NKAIN3: variants seen among roughly 807,000 people sequenced by gnomAD.
NKAIN3 encodes sodium/potassium transporting ATPase interacting 3.
In NKAIN3, 25 loss-of-function variants were observed where a neutral mutation model predicts 30.2. That is an observed-to-expected ratio of 0.83 (90% CI 0.60 to 1.16). NKAIN3 has a LOEUF of 1.16. Ranked by LOEUF, NKAIN3 falls within the 50% of genes most tolerant of loss-of-function variation. The pLI is 0.00. For missense variants in NKAIN3, 225 were observed against 254.1 expected, an observed-to-expected ratio of 0.89 and a Z score of 0.78; for synonymous variants, 91 against 89.6, an observed-to-expected ratio of 1.02 and a Z score of -0.09.
At chr8:62,275,325 T>A (rs957573210) in intron 1 of NKAIN3, among the ~76,000 whole-genome samples, 3 of 152,248 alleles carry the variant, frequency 2.0e-5, no homozygotes, top group Non-Finnish European at 4.4e-5. Flanking sequence ...TGGTTTTGAT[T>A]TGCATTTCTC....
At chr8:62,729,051 A>AAAAAAAAAAAAAAAAAAAAAAAAAAAAAC in intron 3 of NKAIN3, among the ~76,000 whole-genome samples, 1 of 143,858 alleles carries the variant, frequency 7.0e-6, no homozygotes, top group Admixed American at 7.1e-5. Context: ...AAAAAAAAAA[A>AAAAAAAAAAAAAAAAAAAAAAAAAAAAAC]ACCTCCTGCT....
At chr8:62,888,378 T>C (rs191961301) in intron 4 of NKAIN3, among the ~76,000 whole-genome samples, 2 of 152,330 alleles carry the variant, frequency 1.3e-5, no homozygotes, top group Non-Finnish European at 2.9e-5. Flanking sequence ...CTCCTGTAAA[T>C]AAAACTTACA....
At chr8:62,788,755 C>T (rs955596419) in intron 4 of NKAIN3, among the ~76,000 whole-genome samples, 5 of 151,568 alleles carry the variant, frequency 3.3e-5, no homozygotes, top group African/African-American at 1.2e-4. Flanking sequence ...CTACATATGG[C>T]TAGCCAGTTT....
intron 1 of NKAIN3, among the ~76,000 whole-genome samples, chr8:62,275,972 A>T (rs1332770077): frequency 6.6e-6 from 1 of 152,322 alleles, no homozygotes; most frequent in East Asian, 1.9e-4. Flanking sequence ...AATAATACCC[A>T]AAAGGTTGGA....
At chr8:62,459,074 G>A (rs115043166) in intron 1 of NKAIN3, among the ~76,000 whole-genome samples, 1 of 116,098 alleles carries the variant, frequency 8.6e-6, no homozygotes. Flanking sequence ...AAAAAAAAAA[G>A]CCTAGCAAGT....
At chr8:62,703,693 C>T (rs1470722661) in intron 3 of NKAIN3, among the ~76,000 whole-genome samples, 2 of 152,132 alleles carry the variant, frequency 1.3e-5, no homozygotes, top group African/African-American at 2.4e-5. Flanking sequence ...CATTTAGTGG[C>T]GCACATCTTG....
At chr8:62,730,340 GC>G (rs1815427332) in intron 3 of NKAIN3, among the ~76,000 whole-genome samples, 1 of 151,912 alleles carries the variant, frequency 6.6e-6, no homozygotes, top group Admixed American at 6.6e-5. Flanking sequence ...AACAGTGTAG[GC>G]ACAAATATTT....
At chr8:62,934,883 A>C (rs1822734255) in intron 5 of NKAIN3, among the ~76,000 whole-genome samples, 1 of 152,064 alleles carries the variant, frequency 6.6e-6, no homozygotes, top group Non-Finnish European at 1.5e-5. Flanking sequence ...AAGCTAAAGG[A>C]AAGGTGAGCA....
chr8:62,294,042 C>T (rs780866073), intron 1 of NKAIN3, among the ~76,000 whole-genome samples: 60 of 152,292 alleles, frequency 3.9e-4, no homozygotes, highest in Admixed American at 7.2e-4. Flanking sequence ...GAGTCAGGCA[C>T]GGGATGCAAT....
At chr8:62,541,522 G>A (rs571155032) in intron 1 of NKAIN3, among the ~76,000 whole-genome samples, 3 of 152,166 alleles carry the variant, frequency 2.0e-5, no homozygotes, top group East Asian at 1.9e-4. Context: ...TTGTTTGTGA[G>A]GAGAAGGGTC....
Position 62,904,974 on chromosome 8 carries a change from C to T in NKAIN3, c.472-13479C>T, listed in dbSNP as rs1821734379. ...CTCTCAGAGGACACGATCTTTGCAT[C>T]AGGTCTCTCGGAGGGTAGTTCCTGC... On this transcript the variant is annotated intron_variant, in intron 4 of 6. Transcript: ENST00000623646. Among the ~76,000 whole-genome samples, 3 of 152,216 alleles carry T rather than the reference C, an allele frequency of 2.0e-5. No individual in the cohort carries two copies. In the South Asian group the frequency reaches 6.2e-4, roughly 32 times the overall value.
intron 1 of NKAIN3, among the ~76,000 whole-genome samples, chr8:62,561,123 G>A (rs1198111139): frequency 6.6e-6 from 1 of 152,094 alleles, no homozygotes; most frequent in African/African-American, 2.4e-5. Context: ...TGGAGGTGAG[G>A]GGCTTTTTTG....
chr8:62,943,928 A>G (rs1183589829), intron 5 of NKAIN3, among the ~76,000 whole-genome samples: 1 of 151,924 alleles, frequency 6.6e-6, no homozygotes, highest in East Asian at 1.9e-4. Context: ...CAAACATTGT[A>G]TGTTTTCACT....
intron 1 of NKAIN3, among the ~76,000 whole-genome samples, chr8:62,395,329 C>A (rs943817123): frequency 1.2e-4 from 18 of 151,630 alleles, no homozygotes; most frequent in African/African-American, 4.4e-4. Context: ...GGCGGCCGGG[C>A]AGAGGCGACC....
intron 1 of NKAIN3, among the ~76,000 whole-genome samples, chr8:62,481,272 C>T (rs1173934527): frequency 1.3e-5 from 2 of 151,982 alleles, no homozygotes; most frequent in Non-Finnish European, 2.9e-5. Flanking sequence ...CCTGGTGTAT[C>T]CCTCACCACC....
chr8:62,997,955 A>G (rs1337186026), intron 5 of NKAIN3, among the ~76,000 whole-genome samples: 1 of 152,148 alleles, frequency 6.6e-6, no homozygotes, highest in African/African-American at 2.4e-5. Context: ...CTGGGTTGAC[A>G]TGAGGTTTGA....
At chr8:62,505,609 A>T (rs1430772342) in intron 1 of NKAIN3, among the ~76,000 whole-genome samples, 1 of 152,134 alleles carries the variant, frequency 6.6e-6, no homozygotes, top group Admixed American at 6.5e-5. Flanking sequence ...CTTGCTAAAT[A>T]GTTGTTGAAA....
chr8:62,620,868 C>G (rs922678925), intron 3 of NKAIN3, among the ~76,000 whole-genome samples: 4 of 152,018 alleles, frequency 2.6e-5, no homozygotes, highest in African/African-American at 9.7e-5. Context: ...GCCAGTTATT[C>G]AGGCCAAGCC....
intron 1 of NKAIN3, among the ~76,000 whole-genome samples, chr8:62,525,356 G>A (rs1209452520): frequency 1.3e-5 from 2 of 152,160 alleles, no homozygotes; most frequent in East Asian, 3.9e-4. Context: ...ATCAGAAGGA[G>A]TTCTTGCTTT....
Sources: gnomAD v4.1 joint callset for allele counts (sites outside exome capture counted in the v4.1 genomes callset) on GRCh38, gnomAD v4.1.1 for gene constraint, MANE v1.5 for transcripts, NCBI Gene and HGNC (gene_info 2026-07-23, HGNC 2026-07-21) for gene names.